DPP10: variants seen among roughly 807,000 people sequenced by gnomAD.
DPP10 encodes inactive dipeptidyl peptidase 10.
In DPP10, 33 loss-of-function variants were observed where a neutral mutation model predicts 120.9. That is an observed-to-expected ratio of 0.27 (90% CI 0.21 to 0.37). The LOEUF is 0.37. Among genes scored for constraint, DPP10 ranks in the 10% least tolerant of loss-of-function variants. The pLI is 1.00. For missense variants in DPP10, 816 were observed against 942.8 expected (o/e 0.87, Z 1.76); for synonymous variants, 337 against 326.1 (o/e 1.03, Z -0.36).
intron 5 of DPP10, among the ~76,000 whole-genome samples, chr2:115,582,978 C>T (rs2082084631): frequency 6.6e-6 from 1 of 152,164 alleles, no homozygotes; most frequent in South Asian, 2.1e-4. Context: ...ATTATCTTAT[C>T]ATCTTGCAAC....
intron 13 of DPP10, among the ~76,000 whole-genome samples, chr2:115,773,363 T>C (rs75645088): frequency 0.013 from 1,986 of 152,208 alleles, 43 homozygotes; most frequent in African/African-American, 0.044. Context: ...TTAACTTCCT[T>C]GAGCAAGATA....
At chr2:115,336,828 T>C (rs1310475464) in intron 2 of DPP10, among the ~76,000 whole-genome samples, 1 of 152,018 alleles carries the variant, frequency 6.6e-6, no homozygotes, top group Non-Finnish European at 1.5e-5. Flanking sequence ...TACAATCTAA[T>C]ATTTTTTTCT....
At chr2:115,485,932 T>C (rs1365407287) in intron 3 of DPP10, among the ~76,000 whole-genome samples, 2 of 152,112 alleles carry the variant, frequency 1.3e-5, no homozygotes, top group South Asian at 4.1e-4. Flanking sequence ...TAGCCAATGG[T>C]GAATTTTTAG....
intron 1 of DPP10, among the ~76,000 whole-genome samples, chr2:114,615,998 G>C (rs1034798078): frequency 6.6e-6 from 1 of 152,114 alleles, no homozygotes; most frequent in South Asian, 2.1e-4. Flanking sequence ...TTCTAGCAGA[G>C]AGAACTGAAC....
At chr2:114,499,101 C>T (rs560586277) in intron 1 of DPP10, among the ~76,000 whole-genome samples, 7 of 152,304 alleles carry the variant, frequency 4.6e-5, no homozygotes, top group Admixed American at 2.0e-4. Context: ...CACAAACTGA[C>T]GCGTCCATGG....
At chr2:114,706,513 A>G (rs542314861) in intron 1 of DPP10, among the ~76,000 whole-genome samples, 42 of 152,262 alleles carry the variant, frequency 2.8e-4, no homozygotes, top group African/African-American at 8.9e-4. Flanking sequence ...TTGCAGACAC[A>G]TCCCTGCAAT....
chr2:115,354,701 G>A (rs1041022908), intron 3 of DPP10, among the ~76,000 whole-genome samples: 4 of 148,208 alleles, frequency 2.7e-5, no homozygotes, highest in African/African-American at 7.5e-5. Flanking sequence ...CCCTCCCCTC[G>A]CCCCCCACCC....
chr2:114,558,489 G>A (rs925065450), intron 1 of DPP10, among the ~76,000 whole-genome samples: 7 of 152,216 alleles, frequency 4.6e-5, no homozygotes, highest in African/African-American at 1.7e-4. Flanking sequence ...CCCATAAGGA[G>A]ATAGTCTTTG....
chr2:115,123,144 T>C (rs2049908139), intron 1 of DPP10, among the ~76,000 whole-genome samples: 1 of 152,108 alleles, frequency 6.6e-6, no homozygotes, highest in Admixed American at 6.5e-5. Flanking sequence ...GAGGAAAGAA[T>C]TTAGCCAAGG....
intron 1 of DPP10, among the ~76,000 whole-genome samples, chr2:114,758,591 C>T (rs539904488): frequency 1.3e-4 from 20 of 152,126 alleles, no homozygotes; most frequent in Non-Finnish European, 2.2e-4. Context: ...TTTAATTGTC[C>T]GTTCTACAGT....
chr2:115,562,549 C>G (rs1052237568), intron 5 of DPP10, among the ~76,000 whole-genome samples: 1 of 152,084 alleles, frequency 6.6e-6, no homozygotes, highest in East Asian at 1.9e-4. Flanking sequence ...TCTCTTTTTA[C>G]CCTCTATCAT....
intron 1 of DPP10, among the ~76,000 whole-genome samples, chr2:114,471,054 C>A (rs1679865070): frequency 6.6e-6 from 1 of 152,174 alleles, no homozygotes; most frequent in African/African-American, 2.4e-5. Flanking sequence ...AAAATGAGAG[C>A]TTTTGCATTA....
intron 9 of DPP10, among the ~76,000 whole-genome samples, chr2:115,744,412 C>G (rs1436286142): frequency 6.7e-6 from 1 of 150,370 alleles, no homozygotes; most frequent in Non-Finnish European, 1.5e-5. Flanking sequence ...ATAAGAGTCA[C>G]AGAAGGCTAA....
intron 13 of DPP10, among the ~76,000 whole-genome samples, chr2:115,776,614 A>C (rs1559140382): frequency 6.6e-6 from 1 of 152,256 alleles, no homozygotes; most frequent in East Asian, 1.9e-4. Flanking sequence ...AGTATTTCTA[A>C]GAATACTTTT....
At chr2:115,687,523 A>T (rs1359915510) in intron 5 of DPP10, among the ~76,000 whole-genome samples, 2 of 151,800 alleles carry the variant, frequency 1.3e-5, no homozygotes, top group Admixed American at 1.3e-4. Context: ...AGATAGATAG[A>T]TAGATATGGA....
At chr2:114,604,371 T>C (rs534137603) in intron 1 of DPP10, among the ~76,000 whole-genome samples, 1 of 152,200 alleles carries the variant, frequency 6.6e-6, no homozygotes, top group South Asian at 2.1e-4. Flanking sequence ...CATATTAACA[T>C]AGTCTTAGGG....
chr2:114,532,296 T>TATATACACACACACAC (rs1342125338), intron 1 of DPP10, among the ~76,000 whole-genome samples: 6 of 74,784 alleles, frequency 8.0e-5, no homozygotes, highest in African/African-American at 2.6e-4. Flanking sequence ...TATATATATA[T>TATATACACACACACAC]ACACACACAC....
intron 1 of DPP10, among the ~76,000 whole-genome samples, chr2:115,288,589 G>A (rs190158645): frequency 1.3e-5 from 2 of 151,834 alleles, no homozygotes; most frequent in Non-Finnish European, 2.9e-5. Flanking sequence ...GGCCTGGTTG[G>A]GGGGGAGCCT....
At chr2:115,577,422 T>A (rs1031261727) in intron 5 of DPP10, among the ~76,000 whole-genome samples, 1 of 152,212 alleles carries the variant, frequency 6.6e-6, no homozygotes, top group African/African-American at 2.4e-5. Context: ...TCGATGGCAC[T>A]GATGATATTA....
Sources: allele counts gnomAD v4.1 joint callset (sites outside exome capture counted in the v4.1 genomes callset), GRCh38; gene constraint gnomAD v4.1.1; transcripts MANE v1.5; gene names NCBI Gene and HGNC (gene_info 2026-07-23, HGNC 2026-07-21).